The following CAMK1D variants were observed in gnomAD, a reference collection of about 807,000 sequenced individuals.
The protein encoded by CAMK1D is calcium/calmodulin dependent protein kinase ID, also known as calcium/calmodulin-dependent protein kinase type 1D.
A neutral mutation model predicts 47.7 loss-of-function variants in CAMK1D; 9 were observed. That is an observed-to-expected ratio of 0.19 (90% CI 0.11 to 0.33). The LOEUF is 0.33. CAMK1D is among the 10% of genes least tolerant of loss of function. CAMK1D has a pLI of 1.00. For missense variants in CAMK1D, 291 were observed against 488.7 expected (o/e 0.60, Z 3.81); for synonymous variants, 184 against 184.9 (o/e 0.99, Z 0.04).
At chr10:12,435,386 C>T (rs2131999072) in intron 1 of CAMK1D, among the ~76,000 whole-genome samples, 1 of 152,180 alleles carries the variant, frequency 6.6e-6, no homozygotes, top group South Asian at 2.1e-4. Context: ...CTTACCTCAC[C>T]TGCTCAGCAC....
intron 2 of CAMK1D, among the ~76,000 whole-genome samples, chr10:12,626,950 G>C (rs937439361): frequency 6.6e-5 from 10 of 151,982 alleles, no homozygotes; most frequent in African/African-American, 1.9e-4. Flanking sequence ...TATTATGACT[G>C]TATAAATAAT....
intron 1 of CAMK1D, among the ~76,000 whole-genome samples, chr10:12,386,192 A>AC (rs2131880566): frequency 6.6e-6 from 1 of 152,366 alleles, no homozygotes; most frequent in Non-Finnish European, 1.5e-5. Flanking sequence ...TAATTCCAGC[A>AC]CTTTGGTAGG....
intron 3 of CAMK1D, among the ~76,000 whole-genome samples, chr10:12,725,963 G>T (rs572816465): frequency 6.6e-6 from 1 of 151,972 alleles, no homozygotes; most frequent in African/African-American, 2.4e-5. Context: ...CCTCATGTTG[G>T]CCAGGCTGGT....
chr10:12,754,972 T>A (rs950676829), intron 3 of CAMK1D, among the ~76,000 whole-genome samples: 2 of 152,088 alleles, frequency 1.3e-5, no homozygotes, highest in African/African-American at 4.8e-5. Context: ...CACCCAGATA[T>A]AGAGAAGGCA....
intron 2 of CAMK1D, among the ~76,000 whole-genome samples, chr10:12,619,340 G>A (rs1479019654): frequency 6.6e-6 from 1 of 152,012 alleles, no homozygotes; most frequent in African/African-American, 2.4e-5. Flanking sequence ...GCCCAGGCTG[G>A]AGTGCAGTGG....
rs150485613 is a variant in CAMK1D, at chr10:12,732,713, G to T, written c.300-28235G>T. Among the ~76,000 whole-genome samples the T allele has an allele frequency of 7.5e-3, 910 of 121,574 alleles. 3 individuals are homozygous for T. The highest frequency in any genetic ancestry group is 0.02 in the Middle Eastern group (3 of 148). The allele number at this position is 121,574 out of a possible 152,430, so 79.8% of individuals were successfully genotyped here. A position where few individuals can be genotyped will look rare whatever the true frequency, so the allele number is the denominator to read the frequency against. On this transcript the variant is annotated intron_variant, in intron 3 of 10. Transcript: ENST00000619168. ...CCCTCCCACAACACATGGGAATTCT[G>T]GGAAATACAATTCAAGTTGAGATTT...
intron 8 of CAMK1D, among the ~76,000 whole-genome samples, chr10:12,816,811 G>A (rs2493751): frequency 0.51 from 75,396 of 148,584 alleles, 19,681 homozygotes; most frequent in African/African-American, 0.63. Context: ...GGCGAAGGTT[G>A]CAGTGAGCTG....
chr10:12,812,097 G>T (rs192792368), intron 6 of CAMK1D, among the ~76,000 whole-genome samples: 1 of 152,370 alleles, frequency 6.6e-6, no homozygotes, highest in East Asian at 1.9e-4. Flanking sequence ...CGCAGCGATG[G>T]CTGGCGATGT....
At chr10:12,461,942 C>G (rs1478027109) in intron 1 of CAMK1D, among the ~76,000 whole-genome samples, 1 of 152,082 alleles carries the variant, frequency 6.6e-6, no homozygotes, top group Middle Eastern at 3.4e-3. Context: ...ACAATGAACA[C>G]GCTTCTCTCG....
At chr10:12,616,284 A>G (rs1380736232) in intron 2 of CAMK1D, among the ~76,000 whole-genome samples, 1 of 152,210 alleles carries the variant, frequency 6.6e-6, no homozygotes, top group Non-Finnish European at 1.5e-5. Context: ...TTAGTCTTAT[A>G]TAATGTTTCA....
intron 4 of CAMK1D, among the ~76,000 whole-genome samples, chr10:12,763,205 A>G (rs1352477459): frequency 6.6e-6 from 1 of 152,186 alleles, no homozygotes; most frequent in Non-Finnish European, 1.5e-5. Flanking sequence ...CAGAGGCACA[A>G]AGGAGTTTGA....
intron 10 of CAMK1D, chr10:12,825,929 G>A (rs1374539113): frequency 1.8e-6 from 1 of 564,752 alleles, no homozygotes; most frequent in Non-Finnish European, 3.0e-6. Flanking sequence ...TTGAGTTCAG[G>A]AGTTTTAAGA....
chr10:12,410,424 C>T (rs570418429), intron 1 of CAMK1D, among the ~76,000 whole-genome samples: 2 of 152,148 alleles, frequency 1.3e-5, no homozygotes, highest in Admixed American at 6.5e-5. Context: ...CAGTTCGCCC[C>T]CTACCTCCTG....
At chr10:12,492,347 CAAA>C (rs71384332) in intron 1 of CAMK1D, among the ~76,000 whole-genome samples, 13 of 110,392 alleles carry the variant, frequency 1.2e-4, no homozygotes, top group Non-Finnish European at 1.8e-4. Context: ...CACCTCATCT[CAAA>C]AAAAAAAAAA....
chr10:12,427,700 G>GTTTT (rs768000055), intron 1 of CAMK1D, among the ~76,000 whole-genome samples: 971 of 30,956 alleles, frequency 0.031, 250 homozygotes, highest in African/African-American at 0.062. Context: ...TGAACTTACT[G>GTTTT]TTTTTTTTTT....
At chr10:12,362,818 G>C (rs1459551375) in intron 1 of CAMK1D, among the ~76,000 whole-genome samples, 1 of 147,456 alleles carries the variant, frequency 6.8e-6, no homozygotes, top group Admixed American at 6.7e-5. Flanking sequence ...CTGATTTTTT[G>C]TATTTTTAGT....
chr10:12,375,259 A>C lies in CAMK1D; in HGVS notation c.92+25349A>C, dbSNP rs549391227. 3.9e-5 allele frequency among the ~76,000 whole-genome samples: 6 copies of C among 152,320 alleles called. No individual in the cohort carries two copies. In the East Asian group the frequency reaches 1.2e-3, roughly 29 times the overall value. On this transcript the variant is annotated intron_variant, in intron 1 of 10. Transcript: ENST00000619168. ...ATTTGGTTCTGTTTTAAAAATCCCG[A>C]GTAATGGAATTGTCTCCACGGTGGT...
intron 2 of CAMK1D, among the ~76,000 whole-genome samples, chr10:12,564,663 A>ATT (rs1336204843): frequency 6.6e-6 from 1 of 152,212 alleles, no homozygotes; most frequent in Non-Finnish European, 1.5e-5. Flanking sequence ...ATTAATATCC[A>ATT]TTTTTTAGCT....
chr10:12,667,822 A>G (rs1840481193), intron 3 of CAMK1D, among the ~76,000 whole-genome samples: 1 of 152,322 alleles, frequency 6.6e-6, no homozygotes, highest in East Asian at 1.9e-4. Flanking sequence ...ACTTGGGATC[A>G]TGTTAGGATG....
Sources: gnomAD v4.1 joint callset for allele counts (sites outside exome capture counted in the v4.1 genomes callset) on GRCh38, gnomAD v4.1.1 for gene constraint, MANE v1.5 for transcripts, NCBI Gene and HGNC (gene_info 2026-07-23, HGNC 2026-07-21) for gene names.